CDRT4: variants seen among roughly 807,000 people sequenced by gnomAD.
CDRT4 encodes the protein CMT1A duplicated region transcript 4 protein.
For missense variants in CDRT4, 167 were observed against 193.1 expected (o/e 0.87, Z 0.80); for synonymous variants, 64 against 69.6 (o/e 0.92, Z 0.40).
rs933066025 is a variant in CDRT4, at chr17:15,450,366, G to A, written c.-48+2638C>T. ...TCCCACTACTATGAATGAGGCATCT[G>A]TATTCCTGTCAAAGAACACCTCTCC... On this transcript the variant is annotated intron_variant, in intron 2 of 3. Transcript: ENST00000619038. The surrounding 1 kb of genome is among the most constrained non-coding windows in gnomAD (Gnocchi z 4.2). Among the ~76,000 whole-genome samples, 4 of 152,202 alleles carry A rather than the reference G, an allele frequency of 2.6e-5. No homozygotes were observed. The highest frequency in any genetic ancestry group is 5.9e-5 in the Non-Finnish European group (4 of 68,008).
chr17:15,440,394 A>G (rs1298189106), intron 2 of CDRT4, 109 bp from the exon 3 acceptor site: 3 of 1,224,934 alleles, frequency 2.4e-6, no homozygotes, highest in Non-Finnish European at 3.4e-6. Flanking sequence ...GCATGAGGCT[A>G]AGATGACTCC....
rs564257503 is a variant in CDRT4 at position 15,460,452 on chromosome 17, T to C, written c.-130+7008A>G. 2.6e-5 allele frequency among the ~76,000 whole-genome samples: 4 copies of C among 152,356 alleles called. No homozygotes were observed. The South Asian group carries it at 6.2e-4, about 24-fold the overall frequency. On this transcript the variant is annotated intron_variant, in intron 1 of 3. Coordinates refer to ENST00000619038, the MANE Select transcript of CDRT4 (RefSeq NM_001204477.2). ...TATAGGTGTTTATGTTTTATACTTA[T>C]TAACCCATTGAGCCTTCCCAGCAAA...
chr17:15,438,063 C>G lies in CDRT4; in HGVS notation c.169G>C (p.Ala57Pro), dbSNP rs750254277. ...GATGCCCAGGGTCTTTCCTCGAGGG[C>G]ACGCATGCATTCCAGTTCTCTAGTT... ...SKTRELECMRALEERPWASRQ... is the reference protein window; with the variant it reads ...SKTRELECMRPLEERPWASRQ... The change falls in exon 4 of 4, where the codon GCC (alanine) becomes CCC (proline). Residue 57 changes from alanine (A) to proline (P), a missense_variant. Physicochemically the swap from Ala to Pro is conservative, Grantham distance 27 (BLOSUM62 -1). Transcript: ENST00000619038. 6.2e-7 allele frequency: 1 copy of G among 1,614,156 alleles called. No individual in the cohort carries two copies. Among genetic ancestry groups the G allele is most frequent in the Non-Finnish European group, 8.5e-7 (1 of 1,180,040 alleles).
intron 1 of CDRT4, among the ~76,000 whole-genome samples, chr17:15,457,423 C>T (rs1028752963): frequency 6.6e-6 from 1 of 152,328 alleles, no homozygotes; most frequent in East Asian, 1.9e-4. Flanking sequence ...ATTGAGACCA[C>T]AACAAACCCT....
At chr17:15,461,296 G>A (rs548080531) in intron 1 of CDRT4, among the ~76,000 whole-genome samples, 1 of 152,206 alleles carries the variant, frequency 6.6e-6, no homozygotes, top group African/African-American at 2.4e-5. Flanking sequence ...GGATAGCAAG[G>A]CGAAGGCAGC....
rs990780343 is a variant in CDRT4, at chr17:15,436,363, T to C, written c.*1410A>G. The C allele has an allele frequency of 5.9e-5, 9 of 152,232 alleles. No individual in the cohort carries two copies. The highest frequency in any genetic ancestry group is 2.0e-4 in the Admixed American group (3 of 15,288). 9.4% of individuals were successfully genotyped at this position (152,232 alleles called of 1,614,324 possible). ...TCCTCTACATCTCTGTGAGGGATGA[T>C]GGATTAGTATTAACTGTCTTGCAAA... is the stretch of plus-strand genomic sequence containing the variant. On this transcript the variant is annotated 3_prime_UTR_variant, in exon 4 of 4. Coordinates refer to ENST00000619038, the MANE Select transcript of CDRT4 (RefSeq NM_001204477.2).
At position 15,436,187 on chromosome 17, in the gene CDRT4, T is replaced by C. The variant is rs942221203; in HGVS notation, c.*1586A>G. 1 of 152,218 alleles carries C rather than the reference T, an allele frequency of 6.6e-6. No individual in the cohort carries two copies. Among genetic ancestry groups the C allele is most frequent in the African/African-American group, 2.4e-5 (1 of 41,452 alleles). 9.4% of individuals were successfully genotyped at this position (152,218 alleles called of 1,614,324 possible). On this transcript the variant is annotated 3_prime_UTR_variant, in exon 4 of 4. Coordinates refer to ENST00000619038, the MANE Select transcript of CDRT4 (RefSeq NM_001204477.2). ...CTAGAGCTCCTAATTTAGGCAGCTG[T>C]CCCAACATAAAAGCACAAGAGCCAG...
At chr17:15,467,420 C>T (rs2150804134) in intron 1 of CDRT4, 40 bp downstream of exon 1, 2 of 152,284 alleles carry the variant, frequency 1.3e-5, no homozygotes, top group Non-Finnish European at 2.9e-5. Context: ...CCTCGACTTC[C>T]CTCTCTGGGG....
In CDRT4 at chr17:15,464,809, C is replaced by T. The variant is rs1198547201; in HGVS notation, c.-130+2651G>A. ...GCCCATACCAGCGGTTGCTCTTTCA[C>T]TCACTCCAGCCTGGCATCCACACTC... is the stretch of plus-strand genomic sequence containing the variant. On this transcript the variant is annotated intron_variant, in intron 1 of 3. Coordinates refer to ENST00000619038, the MANE Select transcript of CDRT4 (RefSeq NM_001204477.2). The surrounding 1 kb of genome is among the most constrained non-coding windows in gnomAD (Gnocchi z 4.5). 6.6e-6 allele frequency among the ~76,000 whole-genome samples: 1 copy of T among 152,184 alleles called. No homozygotes were observed. Among genetic ancestry groups the T allele is most frequent in the Non-Finnish European group, 1.5e-5 (1 of 68,044 alleles).
chr17:15,455,444 C>T (rs1350394283), intron 1 of CDRT4, among the ~76,000 whole-genome samples: 3 of 152,190 alleles, frequency 2.0e-5, no homozygotes, highest in Non-Finnish European at 4.4e-5. Flanking sequence ...AGATGGCTTC[C>T]AATAATCTCA....
At chr17:15,446,622 C>T (rs1049942114) in intron 2 of CDRT4, among the ~76,000 whole-genome samples, 1 of 152,184 alleles carries the variant, frequency 6.6e-6, no homozygotes, top group African/African-American at 2.4e-5. Flanking sequence ...TAAAAAGTCA[C>T]GTTGCATACA....
chr17:15,441,214 G>C (rs1268865585), intron 2 of CDRT4, among the ~76,000 whole-genome samples: 1 of 152,200 alleles, frequency 6.6e-6, no homozygotes, highest in Non-Finnish European at 1.5e-5. Flanking sequence ...ACAGCTCCCA[G>C]ATGATGCTGG....
intron 1 of CDRT4, among the ~76,000 whole-genome samples, chr17:15,454,139 A>G (rs1341944064): frequency 2.0e-5 from 3 of 152,180 alleles, no homozygotes; most frequent in Admixed American, 1.3e-4. Flanking sequence ...GTCAGAAGAC[A>G]TGCTCAGGGG....
At chr17:15,444,763 T>C (rs2906985) in intron 2 of CDRT4, among the ~76,000 whole-genome samples, 26,643 of 150,470 alleles carry the variant, frequency 0.18, 4,244 homozygotes, top group East Asian at 0.47. Flanking sequence ...AAGATCTTTT[T>C]AGTCCCTTTC....
At chr17:15,441,593 G>T (rs1363509394) in intron 2 of CDRT4, among the ~76,000 whole-genome samples, 1 of 151,872 alleles carries the variant, frequency 6.6e-6, no homozygotes, top group African/African-American at 2.4e-5. Flanking sequence ...CCCTAATCAA[G>T]GAACTATTGT....
chr17:15,444,079 A>AT, intron 2 of CDRT4: 1 of 1,115,490 alleles, frequency 9.0e-7, no homozygotes. Flanking sequence ...CTTGTTTCAA[A>AT]TTCAGCGACT....
At chr17:15,449,943 T>G (rs1166009121) in intron 2 of CDRT4, among the ~76,000 whole-genome samples, 3 of 152,242 alleles carry the variant, frequency 2.0e-5, no homozygotes, top group African/African-American at 7.2e-5. Flanking sequence ...TGCCACATTT[T>G]TCTTATCCAG....
At chr17:15,440,383 T>C in intron 2 of CDRT4, 98 bp from the exon 3 acceptor site, 1 of 1,340,148 alleles carries the variant, frequency 7.5e-7, no homozygotes, top group Non-Finnish European at 1.0e-6. Flanking sequence ...ATATGGTCAC[T>C]GCATGAGGCT....
Position 15,437,669 on chromosome 17 carries a change from G to T in CDRT4, c.*104C>A. Reference sequence around the variant, plus strand: ...GAGCAAGAGCAAGTTCAGATTTAAAGGACACTGTCAAGTGAGTGGTAAATG... The same window carrying T: ...GAGCAAGAGCAAGTTCAGATTTAAATGACACTGTCAAGTGAGTGGTAAATG... On this transcript the variant is annotated 3_prime_UTR_variant, in exon 4 of 4. Coordinates refer to ENST00000619038, the MANE Select transcript of CDRT4 (RefSeq NM_001204477.2). The T allele has an allele frequency of 8.4e-7, 1 of 1,191,024 alleles. No individual in the cohort carries two copies. The highest frequency in any genetic ancestry group is 1.2e-6 in the Non-Finnish European group (1 of 842,810). 73.8% of individuals were successfully genotyped at this position (1,191,024 alleles called of 1,614,324 possible).
Sources: gnomAD v4.1 joint callset for allele counts (sites outside exome capture counted in the v4.1 genomes callset) on GRCh38, gnomAD v4.1.1 for gene constraint, Gnocchi (gnomAD v3.1) non-coding constraint, MANE v1.5 for transcripts, NCBI Gene and HGNC (gene_info 2026-07-23, HGNC 2026-07-21) for gene names.